Variants in DERA observed in about 807,000 individuals in gnomAD.
DERA encodes deoxyribose-phosphate aldolase.
In DERA, 15 loss-of-function variants were observed where a neutral mutation model predicts 41.1. The observed-to-expected ratio is 0.37, with a 90% confidence interval of 0.24 to 0.56. DERA has a LOEUF of 0.56. Ranked by LOEUF, DERA falls within the 20% of genes least tolerant of loss-of-function variation. DERA has a pLI of 0.81. For missense variants in DERA, 396 were observed against 403.4 expected (o/e 0.98, Z 0.16); for synonymous variants, 139 against 137.4 (o/e 1.01, Z -0.08).
Position 16,036,110 on chromosome 12 carries a change from G to T in DERA, c.751-122G>T. Reference sequence around the variant, plus strand: ...TCTAAGCCCTTTCACTGGATGAAGTGAAAAGATTTTTTTTCAACAAAAGAG... The same window carrying T: ...TCTAAGCCCTTTCACTGGATGAAGTTAAAAGATTTTTTTTCAACAAAAGAG... On this transcript the variant is annotated intron_variant, in intron 7 of 8. Transcript: ENST00000428559. This position sits in a 1 kb window ranked among gnomAD's most constrained non-coding sequence, Gnocchi z 4.9. 1 of 980,040 alleles carries T rather than the reference G, an allele frequency of 1.0e-6. No homozygotes were observed. Among genetic ancestry groups the T allele is most frequent in the Non-Finnish European group, 1.4e-6 (1 of 728,834 alleles). 60.7% of individuals were successfully genotyped at this position (980,040 alleles called of 1,614,324 possible).
chr12:15,982,427 A>G lies in DERA; in HGVS notation c.628A>G (p.Met210Val), dbSNP rs764326230. ...TGTCTATAAAGCCAGTATGATAGCAATGATGGCAGGTAAGTGTTTTATGTT... is the reference window on the plus strand; with the variant it reads ...TGTCTATAAAGCCAGTATGATAGCAGTGATGGCAGGTAAGTGTTTTATGTT... ...TNVYKASMIA[M>V]MAGSDFIKTS... The change falls in exon 6 of 9, where the codon ATG becomes GTG. Residue 210 changes from methionine (M) to valine (V), a missense_variant. Met to Val is a conservative substitution (Grantham distance 21). Transcript: ENST00000428559. This position sits in a 1 kb window ranked among gnomAD's most constrained non-coding sequence, Gnocchi z 4.0. 1.6e-5 allele frequency: 26 copies of G among 1,606,322 alleles called. No individual in the cohort carries two copies. Among genetic ancestry groups the G allele is most frequent in the Admixed American group, 5.2e-5 (3 of 57,674 alleles).
intron 5 of DERA, among the ~76,000 whole-genome samples, chr12:15,964,112 T>C (rs1264972656): frequency 2.0e-5 from 3 of 152,196 alleles, no homozygotes; most frequent in Non-Finnish European, 2.9e-5. Flanking sequence ...CTTCTGCTGT[T>C]AATGTCAAGG....
rs1413301879 is a variant in DERA at position 15,989,834 on chromosome 12, TG to T, written c.637+7399del. ...TTACACATCATTGTAAGTAAAATTG[TG>T]TTAAACAACTTTGGTCAACTAAATG... On this transcript the variant is annotated intron_variant, in intron 6 of 8. Transcript: ENST00000428559. This position sits in a 1 kb window ranked among gnomAD's most constrained non-coding sequence, Gnocchi z 5.2. Among the ~76,000 whole-genome samples, 1 of 152,230 alleles carries T rather than the reference TG, an allele frequency of 6.6e-6. No individual in the cohort carries two copies. The highest frequency in any genetic ancestry group is 1.5e-5 in the Non-Finnish European group (1 of 68,030).
chr12:15,987,946 C>G (rs77494407), intron 6 of DERA, among the ~76,000 whole-genome samples: 5,410 of 152,218 alleles, frequency 0.036, 396 homozygotes, highest in East Asian at 0.33. Context: ...CCACTGTGCA[C>G]AGCCAGGCAC....
intron 6 of DERA, among the ~76,000 whole-genome samples, chr12:16,023,319 A>G (rs1450570052): frequency 6.6e-6 from 1 of 152,168 alleles, no homozygotes; most frequent in Non-Finnish European, 1.5e-5. Flanking sequence ...TGGCAGCTAC[A>G]GCAAACCTTA....
At position 15,983,511 on chromosome 12, in the gene DERA, T is replaced by G. The variant is rs1476461535; in HGVS notation, c.637+1075T>G. ...CACAGGTACCACCTTTTTCAGGAAT[T>G]ATTTCCCCTGACACTGCTTCTCCCC... On this transcript the variant is annotated intron_variant, in intron 6 of 8. Coordinates refer to ENST00000428559, the MANE Select transcript of DERA (RefSeq NM_015954.4). The surrounding 1 kb of genome is among the most constrained non-coding windows in gnomAD (Gnocchi z 6.2). Among the ~76,000 whole-genome samples the G allele has an allele frequency of 6.6e-6, 1 of 152,188 alleles. No homozygotes were observed.
At chr12:15,951,754 C>T (rs887035976) in intron 1 of DERA, among the ~76,000 whole-genome samples, 3 of 152,192 alleles carry the variant, frequency 2.0e-5, no homozygotes, top group Non-Finnish European at 4.4e-5. Context: ...TTTGCACATA[C>T]ACCAACAGAT....
Position 16,036,503 on chromosome 12 carries a change from C to CT in DERA, c.900+123dup. On this transcript the variant is annotated intron_variant, in intron 8 of 8. Coordinates refer to ENST00000428559, the MANE Select transcript of DERA (RefSeq NM_015954.4). This position sits in a 1 kb window ranked among gnomAD's most constrained non-coding sequence, Gnocchi z 4.9. ...GATTGACCTCATCCTACCCAATCCT[C>CT]TACCTTTTCTTCCAAGCAAACCGCC... The CT allele has an allele frequency of 8.1e-7, 1 of 1,232,126 alleles. No individual in the cohort carries two copies. The highest frequency in any genetic ancestry group is 1.1e-6 in the Non-Finnish European group (1 of 892,596). 76.3% of individuals were successfully genotyped at this position (1,232,126 alleles called of 1,614,324 possible).
chr12:16,036,775 T>G lies in DERA; in HGVS notation c.*29T>G. ...AGTCACCAGTTCCAGAAAAGTTCTT[T>G]ACGACAATGTTTAAAAATTATTTTT... On this transcript the variant is annotated 3_prime_UTR_variant, in exon 9 of 9. Transcript: ENST00000428559. This position sits in a 1 kb window ranked among gnomAD's most constrained non-coding sequence, Gnocchi z 4.9. 2.0e-6 allele frequency: 3 copies of G among 1,505,036 alleles called. No homozygotes were observed. Among genetic ancestry groups the G allele is most frequent in the Non-Finnish European group, 2.7e-6 (3 of 1,105,804 alleles). 93.2% of individuals were successfully genotyped at this position (1,505,036 alleles called of 1,614,324 possible). A position where few individuals can be genotyped will look rare whatever the true frequency, so the allele number is the denominator to read the frequency against.
chr12:15,916,134 G>C (rs1948197000), intron 1 of DERA: 1 of 152,210 alleles, frequency 6.6e-6, no homozygotes, highest in South Asian at 2.1e-4. Context: ...CAGAGAAGAT[G>C]CAATTTATCC....
intron 1 of DERA, among the ~76,000 whole-genome samples, chr12:15,923,083 C>T (rs1346520479): frequency 2.3e-5 from 3 of 129,170 alleles, no homozygotes; most frequent in Non-Finnish European, 4.6e-5. Flanking sequence ...AGTGCAGTGG[C>T]GCGATCTCGG....
intron 6 of DERA, among the ~76,000 whole-genome samples, chr12:16,024,159 G>A (rs950861755): frequency 2.0e-5 from 3 of 152,184 alleles, no homozygotes; most frequent in Admixed American, 6.5e-5. Context: ...AAAACTTTGG[G>A]ACAGTTTCAA....
chr12:16,029,105 A>G (rs1239151259), intron 6 of DERA, among the ~76,000 whole-genome samples: 3 of 152,190 alleles, frequency 2.0e-5, no homozygotes, highest in Admixed American at 1.3e-4. Flanking sequence ...TTTTCTGTAT[A>G]TTGAATTTTG....
At chr12:16,015,899 T>C (rs114798983) in intron 6 of DERA, among the ~76,000 whole-genome samples, 2 of 152,240 alleles carry the variant, frequency 1.3e-5, no homozygotes, top group Non-Finnish European at 2.9e-5. Context: ...TTTTCCTCCT[T>C]TCTCCCTCAT....
chr12:15,964,437 C>T (rs1452474255), intron 5 of DERA, among the ~76,000 whole-genome samples: 1 of 152,122 alleles, frequency 6.6e-6, no homozygotes, highest in Admixed American at 6.6e-5. Context: ...CTTGACAGTT[C>T]ACAAATATCT....
At position 15,970,540 on chromosome 12, in the gene DERA, T is replaced by C. The variant is rs10772885; in HGVS notation, c.508+7593T>C. Among the ~76,000 whole-genome samples, 14 of 151,906 alleles carry C rather than the reference T, an allele frequency of 9.2e-5. No individual in the cohort carries two copies. The highest frequency in any genetic ancestry group is 3.4e-4 in the African/African-American group (14 of 41,324). On this transcript the variant is annotated intron_variant, in intron 5 of 8. Coordinates refer to ENST00000428559, the MANE Select transcript of DERA (RefSeq NM_015954.4). This position sits in a 1 kb window ranked among gnomAD's most constrained non-coding sequence, Gnocchi z 4.3. ...GAGAGAAGAAAGTTAATTTTATTTATTTATTTATAAGTGTTTTTAGCTTTT... is the reference window on the plus strand; with the variant it reads ...GAGAGAAGAAAGTTAATTTTATTTACTTATTTATAAGTGTTTTTAGCTTTT...
intron 1 of DERA, among the ~76,000 whole-genome samples, chr12:15,953,049 T>C (rs1011894510): frequency 6.6e-6 from 1 of 152,168 alleles, no homozygotes; most frequent in East Asian, 1.9e-4. Flanking sequence ...ACCCACTAGA[T>C]ACAAGTGGCA....
Position 15,983,079 on chromosome 12 carries a change from A to G in DERA, c.637+643A>G, listed in dbSNP as rs1948743270. 6.6e-6 allele frequency among the ~76,000 whole-genome samples: 1 copy of G among 152,078 alleles called. No homozygotes were observed. Among genetic ancestry groups the G allele is most frequent in the Non-Finnish European group, 1.5e-5 (1 of 67,994 alleles). On this transcript the variant is annotated intron_variant, in intron 6 of 8. Coordinates refer to ENST00000428559, the MANE Select transcript of DERA (RefSeq NM_015954.4). The surrounding 1 kb of genome is among the most constrained non-coding windows in gnomAD (Gnocchi z 6.2). Reference sequence around the variant, plus strand: ...GTCTGACACATCTTCCCTCCATTCTAAGTGCTGCTGTCTTAGGCCACCATC... The same window carrying G: ...GTCTGACACATCTTCCCTCCATTCTGAGTGCTGCTGTCTTAGGCCACCATC...
intron 6 of DERA, among the ~76,000 whole-genome samples, chr12:16,005,811 A>G (rs1264814887): frequency 2.0e-5 from 3 of 152,250 alleles, no homozygotes; most frequent in Non-Finnish European, 2.9e-5. Flanking sequence ...GTGAATAGTT[A>G]TTAGGTTAAG....
Sources: allele counts gnomAD v4.1 joint callset (sites outside exome capture counted in the v4.1 genomes callset), GRCh38; gene constraint gnomAD v4.1.1; non-coding constraint Gnocchi (gnomAD v3.1); transcripts MANE v1.5; gene names NCBI Gene and HGNC (gene_info 2026-07-23, HGNC 2026-07-21).